Variants in LPAR1 observed in about 807,000 individuals in gnomAD.
The protein encoded by LPAR1 is LPA receptor 1.
A neutral mutation model predicts 23.8 loss-of-function variants in LPAR1; 5 were observed. The observed-to-expected ratio is 0.21, with a 90% CI of 0.11 to 0.44. The LOEUF (loss-of-function observed/expected upper bound fraction) is 0.44, where lower values mean the gene tolerates loss of function less well. Ranked by LOEUF, LPAR1 falls within the 20% of genes least tolerant of loss-of-function variation. The probability of loss-of-function intolerance (pLI) is 0.99; values close to 1 mark genes in which losing one functional copy is unlikely to be tolerated. For missense variants in LPAR1, 311 were observed against 482.8 expected (o/e 0.64, Z 3.33); for synonymous variants, 160 against 164.7 (o/e 0.97, Z 0.22).
At chr9:110,921,242 C>G (rs1403323344) in intron 5 of LPAR1, among the ~76,000 whole-genome samples, 1 of 152,072 alleles carries the variant, frequency 6.6e-6, no homozygotes, top group African/African-American at 2.4e-5. Flanking sequence ...CCACTGTACT[C>G]CAGTATAGGT....
intron 1 of LPAR1, among the ~76,000 whole-genome samples, chr9:111,037,326 T>C (rs575702636): frequency 6.6e-6 from 1 of 152,256 alleles, no homozygotes; most frequent in East Asian, 1.9e-4. Flanking sequence ...AATCCACGGA[T>C]TTCAACAAAA....
At position 110,941,872 on chromosome 9, in the gene LPAR1, C is replaced by A; in HGVS notation, c.342G>T (p.Arg114=). 6.2e-7 allele frequency: 1 copy of A among 1,614,216 alleles called. No individual in the cohort carries two copies. Among genetic ancestry groups the A allele is most frequent in the Non-Finnish European group, 8.5e-7 (1 of 1,180,028 alleles). Residue 114 remains arginine (R), a synonymous_variant, in exon 5 of 6, where the codon CGG becomes CGT. Coordinates refer to ENST00000683809, the MANE Select transcript of LPAR1 (RefSeq NM_001351411.2). This position sits in a 1 kb window ranked among gnomAD's most constrained non-coding sequence, Gnocchi z 6.1. The part of the protein sequence containing the change: ...YLMFNTGPNT[R]RLTVSTWLLR... Reference sequence around the variant, plus strand: ...GGAGCCATGTGCTAACAGTCAGTCTCCGAGTATTGGGTCCTGTGTTGAACA... The same window carrying A: ...GGAGCCATGTGCTAACAGTCAGTCTACGAGTATTGGGTCCTGTGTTGAACA...
At chr9:110,981,376 G>A (rs1319142681) in intron 2 of LPAR1, among the ~76,000 whole-genome samples, 2 of 151,940 alleles carry the variant, frequency 1.3e-5, no homozygotes, top group Admixed American at 6.6e-5. Flanking sequence ...TTTCTCCTCT[G>A]TAAAATGGGT....
chr9:110,951,326 G>C (rs1046391646), intron 4 of LPAR1, among the ~76,000 whole-genome samples: 2 of 152,008 alleles, frequency 1.3e-5, no homozygotes, highest in Non-Finnish European at 2.9e-5. Context: ...TAAGACTTCT[G>C]TGCTGCAAAA....
At chr9:110,963,226 G>T (rs1384643373) in intron 4 of LPAR1, among the ~76,000 whole-genome samples, 1 of 152,178 alleles carries the variant, frequency 6.6e-6, no homozygotes, top group African/African-American at 2.4e-5. Context: ...CTTATGAATA[G>T]AAAATTCAAA....
chr9:110,897,888 A>G (rs1318439042), intron 5 of LPAR1, among the ~76,000 whole-genome samples: 1 of 152,094 alleles, frequency 6.6e-6, no homozygotes, highest in Non-Finnish European at 1.5e-5. Flanking sequence ...GTATTGTTGA[A>G]TTTTCATTAT....
intron 5 of LPAR1, among the ~76,000 whole-genome samples, chr9:110,898,936 G>A (rs2087562403): frequency 6.6e-6 from 1 of 152,188 alleles, no homozygotes; most frequent in South Asian, 2.1e-4. Context: ...ATAATTCCTT[G>A]TAGTTGTAAC....
intron 2 of LPAR1, among the ~76,000 whole-genome samples, chr9:110,978,167 C>T (rs1326476945): frequency 6.6e-6 from 1 of 151,988 alleles, no homozygotes; most frequent in Non-Finnish European, 1.5e-5. Context: ...AGAATCTTTG[C>T]ACATAGAGCA....
At chr9:110,989,117 A>T (rs1318185890) in intron 2 of LPAR1, among the ~76,000 whole-genome samples, 2 of 152,176 alleles carry the variant, frequency 1.3e-5, no homozygotes, top group African/African-American at 4.8e-5. Flanking sequence ...GTTTTTCAGG[A>T]GTTTGGAAGA....
chr9:110,904,400 G>A (rs1266432460), intron 5 of LPAR1, among the ~76,000 whole-genome samples: 1 of 152,160 alleles, frequency 6.6e-6, no homozygotes, highest in Non-Finnish European at 1.5e-5. Context: ...ACTCAAAGTG[G>A]TAAAATGTTG....
intron 5 of LPAR1, among the ~76,000 whole-genome samples, chr9:110,898,067 C>G (rs1419940293): frequency 3.3e-5 from 5 of 152,156 alleles, no homozygotes; most frequent in Admixed American, 3.3e-4. Flanking sequence ...ATTTCAAGAG[C>G]TGAGAAAACT....
intron 2 of LPAR1, among the ~76,000 whole-genome samples, chr9:110,989,383 G>T (rs2096853067): frequency 6.6e-6 from 1 of 152,152 alleles, no homozygotes; most frequent in African/African-American, 2.4e-5. Context: ...ATTTTAAATG[G>T]CTGGCTTTTA....
At chr9:110,961,436 C>T (rs1318266007) in intron 4 of LPAR1, among the ~76,000 whole-genome samples, 1 of 151,624 alleles carries the variant, frequency 6.6e-6, no homozygotes, top group Admixed American at 6.6e-5. Context: ...GCCTGGCCAA[C>T]ATGGTGAAAT....
chr9:110,999,394 T>A, intron 2 of LPAR1: 1 of 456,106 alleles, frequency 2.2e-6, no homozygotes, highest in Non-Finnish European at 4.4e-6. Flanking sequence ...CCACCCTACC[T>A]CATTTTCCAG....
intron 2 of LPAR1, among the ~76,000 whole-genome samples, chr9:111,001,184 CA>C (rs1429509631): frequency 6.6e-6 from 1 of 152,124 alleles, no homozygotes; most frequent in African/African-American, 2.4e-5. Context: ...AACAAGACAA[CA>C]ATAAATAACA....
chr9:110,891,596 T>C (rs1323021565), intron 5 of LPAR1, among the ~76,000 whole-genome samples: 1 of 152,102 alleles, frequency 6.6e-6, no homozygotes, highest in Admixed American at 6.5e-5. Context: ...TTTTAAAACA[T>C]GAAGAAAAGA....
chr9:110,887,257 C>T (rs1318872174), intron 5 of LPAR1, among the ~76,000 whole-genome samples: 1 of 151,742 alleles, frequency 6.6e-6, no homozygotes, highest in Non-Finnish European at 1.5e-5. Context: ...CATTTTCTTA[C>T]TATCAAAATG....
chr9:111,028,616 G>T (rs1484954350), intron 2 of LPAR1, among the ~76,000 whole-genome samples: 3 of 115,384 alleles, frequency 2.6e-5, no homozygotes, highest in Admixed American at 9.7e-5. Context: ...ATTAGAAAAA[G>T]ACTTTTTTTT....
At chr9:111,004,237 C>T (rs1380444614) in intron 2 of LPAR1, among the ~76,000 whole-genome samples, 1 of 152,162 alleles carries the variant, frequency 6.6e-6, no homozygotes, top group East Asian at 1.9e-4. Flanking sequence ...TTGTTTTGCA[C>T]TGCAGTTTAC....
Sources: allele counts gnomAD v4.1 joint callset (sites outside exome capture counted in the v4.1 genomes callset), GRCh38; gene constraint gnomAD v4.1.1; non-coding constraint Gnocchi (gnomAD v3.1); transcripts MANE v1.5; gene names NCBI Gene and HGNC (gene_info 2026-07-23, HGNC 2026-07-21).